Variants in ANK2 observed in about 807,000 individuals in gnomAD.
ANK2 encodes the protein ankyrin 2, also known as ankyrin-2.
Under a neutral mutation model 360.5 loss-of-function variants are expected in ANK2, and 83 were observed. The ratio of observed to expected loss-of-function variants is 0.23; its 90% CI spans 0.19 to 0.28. ANK2 has a LOEUF of 0.28. ANK2 is among the 10% of genes least tolerant of loss of function. The pLI is 1.00. For synonymous variants in ANK2, 1,740 were observed against 1,759.5 expected, an observed-to-expected ratio of 0.99 and a Z score of 0.28; for missense variants, 4,201 against 4,795.7, an observed-to-expected ratio of 0.88 and a Z score of 3.66.
chr4:113,065,486 T>A (rs970814229), intron 1 of ANK2, among the ~76,000 whole-genome samples: 1 of 152,224 alleles, frequency 6.6e-6, no homozygotes, highest in Non-Finnish European at 1.5e-5. Flanking sequence ...GTTCTAACTG[T>A]CTTATTCCAT....
intron 2 of ANK2, among the ~76,000 whole-genome samples, chr4:112,915,154 G>A (rs1408953756): frequency 6.6e-6 from 1 of 152,118 alleles, no homozygotes; most frequent in East Asian, 1.9e-4. Context: ...AGATTTTCAT[G>A]CCTTTCCTAG....
rs775616553 is a variant in ANK2, at chr4:113,165,574, G to A, written c.85-8842G>A. Among the ~76,000 whole-genome samples the A allele has an allele frequency of 5.9e-5, 9 of 152,066 alleles. 1 individual carries two copies. Among genetic ancestry groups the A allele is most frequent in the Non-Finnish European group, 1.2e-4 (8 of 67,978 alleles). On this transcript the variant is annotated intron_variant, in intron 1 of 45. Coordinates refer to ENST00000357077, the MANE Select transcript of ANK2 (RefSeq NM_001148.6). ...AACAGTATGGTTAGAGGTTGTATGTGGAATTCAACTATGATGTTTTAAGAT... is the reference window on the plus strand; with the variant it reads ...AACAGTATGGTTAGAGGTTGTATGTAGAATTCAACTATGATGTTTTAAGAT...
At chr4:112,862,140 C>T (rs1472719607) in intron 1 of ANK2, among the ~76,000 whole-genome samples, 5 of 152,238 alleles carry the variant, frequency 3.3e-5, no homozygotes, top group East Asian at 1.9e-4. Context: ...AGAAAGTATC[C>T]AGCATGTACT....
At chr4:112,816,726 C>T (rs2055672821), upstream of ANK2, among the ~76,000 whole-genome samples, 1 of 152,192 alleles carries the variant, frequency 6.6e-6, no homozygotes, top group Non-Finnish European at 1.5e-5. Flanking sequence ...TAAGAAGTGT[C>T]TTGGCCGGGC....
chr4:113,338,807 C>T (rs1184063282), intron 31 of ANK2, among the ~76,000 whole-genome samples: 1 of 151,994 alleles, frequency 6.6e-6, no homozygotes, highest in African/African-American at 2.4e-5. Flanking sequence ...CCTCAGCCTC[C>T]CAAAGTGCTG....
chr4:113,350,146 A>G, intron 36 of ANK2, 82 bp from the exon 37 acceptor site: 2 of 1,294,916 alleles, frequency 1.5e-6, no homozygotes, highest in Admixed American at 3.5e-5. Flanking sequence ...TATAATTATG[A>G]ATAGGAGCTT....
chr4:112,730,252 CAAA>C, the ANK2 span, among the ~76,000 whole-genome samples: 26 of 50,896 alleles, frequency 5.1e-4, no homozygotes, highest in African/African-American at 1.9e-3. Context: ...GACTCTGTCT[CAAA>C]AAAAAAAAAA....
intron 2 of ANK2, among the ~76,000 whole-genome samples, chr4:112,977,905 G>A (rs1189215249): frequency 6.6e-6 from 1 of 152,168 alleles, no homozygotes; most frequent in Non-Finnish European, 1.5e-5. Flanking sequence ...TGGAATGAAT[G>A]AATTTTTAAA....
intron 2 of ANK2, among the ~76,000 whole-genome samples, chr4:112,959,320 G>A (rs1377644009): frequency 6.6e-6 from 1 of 152,096 alleles, no homozygotes; most frequent in Non-Finnish European, 1.5e-5. Flanking sequence ...TAATGAAGCA[G>A]ATTTTTTTTG....
the ANK2 span, among the ~76,000 whole-genome samples, chr4:112,747,245 A>G: frequency 6.6e-6 from 1 of 152,228 alleles, no homozygotes; most frequent in Non-Finnish European, 1.5e-5. Flanking sequence ...AATTTATTTT[A>G]ATCTGGCTTA....
the ANK2 span, among the ~76,000 whole-genome samples, chr4:112,748,201 T>G: frequency 1.3e-5 from 2 of 152,316 alleles, no homozygotes; most frequent in African/African-American, 4.8e-5. Context: ...AATCTGGAAC[T>G]GAACACCACC....
At chr4:112,825,149 T>G (rs2149577164) in intron 1 of ANK2, among the ~76,000 whole-genome samples, 1 of 152,042 alleles carries the variant, frequency 6.6e-6, no homozygotes, top group South Asian at 2.1e-4. Flanking sequence ...TGAGAACACC[T>G]GGACACAGGG....
chr4:113,216,218 G>A (rs376323863), intron 4 of ANK2, among the ~76,000 whole-genome samples: 1 of 152,094 alleles, frequency 6.6e-6, no homozygotes, highest in South Asian at 2.1e-4. Context: ...AAATTATTTG[G>A]CAGTTTATTG....
intron 15 of ANK2, among the ~76,000 whole-genome samples, chr4:113,275,716 T>TA (rs34332693): frequency 0.016 from 2,278 of 140,904 alleles, 48 homozygotes; most frequent in African/African-American, 0.047. Context: ...TAAAAGTTCT[T>TA]AAAAAAAAAA....
Position 113,356,244 on chromosome 4 carries a change from C to T in ANK2, c.7626C>T (p.Ser2542=). 2 of 1,614,060 alleles carry T rather than the reference C, an allele frequency of 1.2e-6. No individual in the cohort carries two copies. The highest frequency in any genetic ancestry group is 2.2e-5 in the South Asian group (2 of 91,078). Residue 2542 remains serine, a synonymous_variant, in exon 38 of 46, where the codon AGC becomes AGT. Coordinates refer to ENST00000357077, the MANE Select transcript of ANK2 (RefSeq NM_001148.6). ...GCCCCCTTTCTCCTGACACCCCCAG[C>T]TCTGAAGAAGTCAGCTATGAGGTTA... ...GKSPLSPDTP[S]SEEVSYEVTP...
At position 113,302,763 on chromosome 4, in the gene ANK2, C is replaced by G; in HGVS notation, c.2476-4C>G. 6.2e-7 allele frequency: 1 copy of G among 1,612,122 alleles called. No homozygotes were observed. Among genetic ancestry groups the G allele is most frequent in the Non-Finnish European group, 8.5e-7 (1 of 1,178,506 alleles). On this transcript the variant is annotated splice_polypyrimidine_tract_variant and splice_region_variant and intron_variant, in intron 22 of 45. Transcript: ENST00000357077. ...TTGAACATTAATGATTTTTGTTTTTCCAGACTATTACAGAAAAACACAAAC... is the reference window on the plus strand; with the variant it reads ...TTGAACATTAATGATTTTTGTTTTTGCAGACTATTACAGAAAAACACAAAC...
intron 2 of ANK2, among the ~76,000 whole-genome samples, chr4:112,990,838 T>A (rs1400173357): frequency 6.6e-6 from 1 of 152,204 alleles, no homozygotes; most frequent in Admixed American, 6.5e-5. Flanking sequence ...AGTTATTCTA[T>A]CAAACTCTAA....
chr4:113,363,591 C>T (rs1256771318), intron 40 of ANK2, 122 bp downstream of exon 40: 34 of 1,040,624 alleles, frequency 3.3e-5, no homozygotes, highest in Admixed American at 5.3e-5. Flanking sequence ...TACAGTGGGT[C>T]CTTGAGTAAT....
At chr4:112,725,464 G>A in the ANK2 span, among the ~76,000 whole-genome samples, 5 of 143,048 alleles carry the variant, frequency 3.5e-5, no homozygotes, top group South Asian at 2.5e-4. Context: ...GGGTTCACGC[G>A]ATTCTCCTGC....
Sources: gnomAD v4.1 joint callset for allele counts (sites outside exome capture counted in the v4.1 genomes callset) on GRCh38, gnomAD v4.1.1 for gene constraint, MANE v1.5 for transcripts, NCBI Gene and HGNC (gene_info 2026-07-23, HGNC 2026-07-21) for gene names.